The following MROH9 variants were observed in gnomAD, a reference collection of about 807,000 sequenced individuals.
The protein encoded by MROH9 is maestro heat like repeat family member 9.
MROH9 carries 92 observed loss-of-function variants against 98.2 expected under a neutral mutation model. The ratio of observed to expected loss-of-function variants is 0.94; its 90% CI spans 0.79 to 1.11. The LOEUF (loss-of-function observed/expected upper bound fraction) is 1.11. Among genes scored for constraint, MROH9 ranks in the 50% most tolerant of loss-of-function variants. The probability of loss-of-function intolerance (pLI) is 0.00; values close to 1 mark genes in which losing one functional copy is unlikely to be tolerated. For synonymous variants in MROH9, 397 were observed against 368.9 expected, an observed-to-expected ratio of 1.08 and a Z score of -0.87; for missense variants, 1,057 against 1,014.8, an observed-to-expected ratio of 1.04 and a Z score of -0.57.
chr1:171,058,607 A>G (rs1215826251), intron 20 of MROH9, among the ~76,000 whole-genome samples: 1 of 152,224 alleles, frequency 6.6e-6, no homozygotes, highest in Non-Finnish European at 1.5e-5. Flanking sequence ...CTACAAGGCT[A>G]CAGTAACCAC....
chr1:170,963,908 C>G (rs1650125200), intron 6 of MROH9, among the ~76,000 whole-genome samples: 1 of 151,940 alleles, frequency 6.6e-6, no homozygotes, highest in Non-Finnish European at 1.5e-5. Flanking sequence ...ACAAGTTTAT[C>G]TATATAAAAA....
chr1:170,985,754 C>T (rs1042041510), intron 9 of MROH9, among the ~76,000 whole-genome samples: 1 of 150,228 alleles, frequency 6.7e-6, no homozygotes, highest in African/African-American at 2.4e-5. Flanking sequence ...GGTTACCCCC[C>T]TCTAATTTTC....
intron 12 of MROH9, among the ~76,000 whole-genome samples, 180 bp downstream of exon 12, chr1:170,992,509 T>C (rs1440364262): frequency 6.6e-6 from 1 of 152,148 alleles, no homozygotes; most frequent in African/African-American, 2.4e-5. Flanking sequence ...GAGCTTACAT[T>C]TTGGTAAGAA....
At chr1:170,975,681 C>CT (rs1341152297) in intron 8 of MROH9, among the ~76,000 whole-genome samples, 1 of 151,678 alleles carries the variant, frequency 6.6e-6, no homozygotes, top group Non-Finnish European at 1.5e-5. Context: ...AGAAAATGAC[C>CT]TTTTTTGCCT....
At chr1:170,986,800 G>A (rs1651154589) in intron 10 of MROH9, 90 bp downstream of exon 10, 4 of 1,343,642 alleles carry the variant, frequency 3.0e-6, no homozygotes, top group Non-Finnish European at 4.1e-6. Flanking sequence ...CTTTTTATAT[G>A]TATTTCTTGT....
chr1:170,998,500 C>G, intron 15 of MROH9: 1 of 1,478,670 alleles, frequency 6.8e-7, no homozygotes, highest in Non-Finnish European at 8.9e-7. Flanking sequence ...TTCTCTGTTT[C>G]TAGGGGTGTG....
Position 170,972,682 on chromosome 1 carries a change from G to A in MROH9, c.616+799G>A, listed in dbSNP as rs555167291. Among the ~76,000 whole-genome samples, 83 of 151,784 alleles carry A rather than the reference G, an allele frequency of 5.5e-4. 2 individuals are homozygous for A. In the East Asian group the frequency reaches 0.014, roughly 25 times the overall value. On this transcript the variant is annotated intron_variant, in intron 8 of 21. Coordinates refer to ENST00000367759, the MANE Select transcript of MROH9 (RefSeq NM_001163629.2). ...AAAAAATAAGCCGGGTGTGGTGGCAGGCACCTGTAATCCCAGCTACTCAGG... is the reference window on the plus strand; with the variant it reads ...AAAAAATAAGCCGGGTGTGGTGGCAAGCACCTGTAATCCCAGCTACTCAGG...
intron 7 of MROH9, among the ~76,000 whole-genome samples, chr1:170,969,694 G>A (rs1396024118): frequency 1.3e-5 from 2 of 151,886 alleles, no homozygotes; most frequent in Non-Finnish European, 2.9e-5. Context: ...GACTGGAGAG[G>A]CCAGATCTAC....
chr1:170,959,157 T>C (rs1226681803), intron 4 of MROH9, among the ~76,000 whole-genome samples: 6 of 151,716 alleles, frequency 4.0e-5, no homozygotes. Context: ...GGGCGGATCA[T>C]GAGGTCAGGA....
chr1:170,953,870 AG>A (rs1375674788), intron 3 of MROH9, among the ~76,000 whole-genome samples: 52 of 82,836 alleles, frequency 6.3e-4, no homozygotes, highest in East Asian at 1.3e-3. Context: ...AAAGAGAGAG[AG>A]AGAGAGAGAA....
At chr1:170,989,438 T>C (rs1651267891) in intron 10 of MROH9, among the ~76,000 whole-genome samples, 1 of 152,216 alleles carries the variant, frequency 6.6e-6, no homozygotes, top group South Asian at 2.1e-4. Context: ...ATCCCTTCAA[T>C]ATGTGGATTC....
chr1:171,051,014 T>G (rs2101868231), intron 20 of MROH9, among the ~76,000 whole-genome samples: 1 of 152,318 alleles, frequency 6.6e-6, no homozygotes, highest in South Asian at 2.1e-4. Flanking sequence ...CCCACTTGAT[T>G]GTGGTATATT....
chr1:170,954,741 A>T (rs2101883613), intron 3 of MROH9, among the ~76,000 whole-genome samples: 1 of 152,006 alleles, frequency 6.6e-6, no homozygotes, highest in South Asian at 2.1e-4. Flanking sequence ...TGTGATTTTA[A>T]TTTGCATTTC....
chr1:170,989,511 G>A (rs1416113795), intron 10 of MROH9, among the ~76,000 whole-genome samples: 1 of 152,098 alleles, frequency 6.6e-6, no homozygotes, highest in African/African-American at 2.4e-5. Context: ...TTGTTATTCT[G>A]TTCCATTATT....
At chr1:170,996,447 GT>G (rs1159632679) in intron 13 of MROH9, 59 bp from the exon 14 acceptor site, 5 of 1,585,642 alleles carry the variant, frequency 3.2e-6, no homozygotes, top group Non-Finnish European at 4.3e-6. Context: ...CAGGTAATGT[GT>G]ATTTAGTTTT....
intron 20 of MROH9, among the ~76,000 whole-genome samples, chr1:171,048,148 C>A (rs1653525225): frequency 6.6e-6 from 1 of 152,128 alleles, no homozygotes; most frequent in African/African-American, 2.4e-5. Flanking sequence ...CCTACTGTGA[C>A]CACTCTCTGG....
intron 15 of MROH9, among the ~76,000 whole-genome samples, chr1:171,007,012 AT>A (rs1203150978): frequency 6.6e-6 from 1 of 152,028 alleles, no homozygotes; most frequent in Non-Finnish European, 1.5e-5. Context: ...TTCTTTGGTA[AT>A]GTCATATGTG....
chr1:171,012,008 A>G (rs16863934), intron 15 of MROH9, among the ~76,000 whole-genome samples: 20,439 of 151,924 alleles, frequency 0.13, 1,501 homozygotes, highest in Middle Eastern at 0.19. Flanking sequence ...ATTTATGTTA[A>G]CATTTCTTTT....
intron 19 of MROH9, 143 bp from the exon 20 acceptor site, chr1:171,025,175 T>C: frequency 3.4e-6 from 2 of 586,642 alleles, no homozygotes; most frequent in Non-Finnish European, 6.1e-6. Flanking sequence ...GAGAGTTGAG[T>C]TTGGGAACAA....
Sources: allele counts gnomAD v4.1 joint callset (sites outside exome capture counted in the v4.1 genomes callset), GRCh38; gene constraint gnomAD v4.1.1; transcripts MANE v1.5; gene names NCBI Gene and HGNC (gene_info 2026-07-23, HGNC 2026-07-21).